WDR73: variants seen among roughly 807,000 people sequenced by gnomAD.
WDR73 encodes the protein integrator complex assembly factor WDR73.
A neutral mutation model predicts 38.2 loss-of-function variants in WDR73; 30 were observed. That is an observed-to-expected ratio of 0.79 (90% CI 0.59 to 1.06). The LOEUF (loss-of-function observed/expected upper bound fraction) is 1.06, where lower values mean the gene tolerates loss of function less well. Ranked by LOEUF, WDR73 falls within the 50% of genes least tolerant of loss-of-function variation. WDR73 has a pLI of 0.00. For synonymous variants in WDR73, 197 were observed against 176.0 expected (o/e 1.12, Z -0.94); for missense variants, 487 against 467.0 (o/e 1.04, Z -0.40).
chr15:84,645,968 C>T (rs770763193), intron 6 of WDR73, 132 bp from the exon 7 acceptor site: 1 of 1,548,570 alleles, frequency 6.5e-7, no homozygotes, highest in South Asian at 1.2e-5. Context: ...TCCCACTCAT[C>T]TCACCATTGT....
At chr15:84,643,782 TTTC>T in intron 7 of WDR73, 59 bp from the exon 8 acceptor site, 1 of 1,477,294 alleles carries the variant, frequency 6.8e-7, no homozygotes, top group South Asian at 1.4e-5. Flanking sequence ...TTAAAATAAT[TTTC>T]TTTCTATTTT....
In WDR73 at chr15:84,643,388, G is replaced by A. The variant is rs1430425617; in HGVS notation, c.*82C>T. 4.7e-6 allele frequency: 7 copies of A among 1,486,566 alleles called. No homozygotes were observed. The highest frequency in any genetic ancestry group is 1.3e-5 in the South Asian group (1 of 74,674). 92.1% of individuals were successfully genotyped at this position (1,486,566 alleles called of 1,614,324 possible). On this transcript the variant is annotated 3_prime_UTR_variant, in exon 8 of 8. Coordinates refer to ENST00000434634, the MANE Select transcript of WDR73 (RefSeq NM_032856.5). ...ACACAGCTGGTAACAGGGACTGGTAGTCACTTGAGTCCTACATGAGCACCC... is the reference window on the plus strand; with the variant it reads ...ACACAGCTGGTAACAGGGACTGGTAATCACTTGAGTCCTACATGAGCACCC...
In WDR73 at chr15:84,646,347, A is replaced by C. The variant is rs201827208; in HGVS notation, c.354T>G (p.Asp118Glu). Reference protein sequence around the residue: ...LQVWQVAEDSDVIKAVSTIAV... With the variant: ...LQVWQVAEDSEVIKAVSTIAV... ...CAATGGTGCTGACAGCTTTAATGAC[A>C]TCTAGGGGAAAACGAAGAGGCCAAA... The change falls in exon 6 of 8, where the codon GAT becomes GAG. Residue 118 changes from aspartate (D) to glutamate (E), a missense_variant and splice_region_variant. Coordinates refer to ENST00000434634, the MANE Select transcript of WDR73 (RefSeq NM_032856.5). 2.6e-4 allele frequency: 412 copies of C among 1,602,552 alleles called. No individual in the cohort carries two copies. The highest frequency in any genetic ancestry group is 1.3e-3 in the Middle Eastern group (8 of 6,036).
rs1273045394 is a variant in WDR73, at chr15:84,639,842, G to GT, written c.*3627dup. 6.6e-6 allele frequency: 1 copy of GT among 152,264 alleles called. No individual in the cohort carries two copies. Among genetic ancestry groups the GT allele is most frequent in the Non-Finnish European group, 1.5e-5 (1 of 68,090 alleles). The allele number at this position is 152,264 out of a possible 1,614,324, so 9.4% of individuals were successfully genotyped here. On this transcript the variant is annotated 3_prime_UTR_variant, in exon 8 of 8. Coordinates refer to ENST00000434634, the MANE Select transcript of WDR73 (RefSeq NM_032856.5). ...TGTACCGGATTATGGCTGAGCAGCTGTGAGAACATGGCTTCCTGTGGACCC... is the reference window on the plus strand; with the variant it reads ...TGTACCGGATTATGGCTGAGCAGCTGTTGAGAACATGGCTTCCTGTGGACCC...
chr15:84,647,400 C>T (rs756790349), intron 5 of WDR73: 43 of 163,198 alleles, frequency 2.6e-4, no homozygotes, highest in Non-Finnish European at 1.5e-4. Flanking sequence ...GAGCAGGTTA[C>T]AGGAAGCTCC....
At chr15:84,650,602 G>A (rs561472788) in intron 3 of WDR73, among the ~76,000 whole-genome samples, 76 of 151,992 alleles carry the variant, frequency 5.0e-4, no homozygotes, top group African/African-American at 1.7e-3. Context: ...CTTGTGATCC[G>A]CCCACCTCAG....
In WDR73 at chr15:84,645,787, G is replaced by A. The variant is rs373819446; in HGVS notation, c.567C>T (p.Asp189=). 20 of 1,613,540 alleles carry A rather than the reference G, an allele frequency of 1.2e-5. No individual in the cohort carries two copies. The African/African-American group carries it at 1.9e-4, about 15-fold the overall frequency. ...CTGAAGCACAGCAGAAGGCAAAGGT[G>A]TCTGCATCTAGGACCTGCAGGCTAC... The part of the protein sequence containing the change: ...ELSSLQVLDA[D]TFAFCCASGR... Residue 189 remains aspartate, a synonymous_variant, in exon 7 of 8, where the codon GAC becomes GAT. Coordinates refer to ENST00000434634, the MANE Select transcript of WDR73 (RefSeq NM_032856.5).
chr15:84,646,674 T>C, intron 5 of WDR73: 1 of 242,476 alleles, frequency 4.1e-6, no homozygotes, highest in Non-Finnish European at 8.2e-6. Context: ...ATGAACATGC[T>C]GCTGATGTCA....
rs1366038442 is a variant in WDR73, at chr15:84,640,676, ACAGAG to A, written c.*2789_*2793del. On this transcript the variant is annotated 3_prime_UTR_variant, in exon 8 of 8. Transcript: ENST00000434634. ...ATGCCACTGCATTCCAGCCTGGGCG[ACAGAG>A]TGAGACCCAGACTCAGCTGAAAAAT... 6.6e-6 allele frequency: 1 copy of A among 152,242 alleles called. No individual in the cohort carries two copies. The highest frequency in any genetic ancestry group is 1.5e-5 in the Non-Finnish European group (1 of 68,062). The allele number at this position is 152,242 out of a possible 1,614,324, so 9.4% of individuals were successfully genotyped here.
At chr15:84,653,005 A>G (rs1896671797) in intron 2 of WDR73, 1 of 441,362 alleles carries the variant, frequency 2.3e-6, no homozygotes, top group Non-Finnish European at 4.1e-6. Context: ...TGCAGCCTCA[A>G]CCTGCCAGGC....
At chr15:84,646,732 A>G (rs1278918343) in intron 5 of WDR73, 2 of 185,934 alleles carry the variant, frequency 1.1e-5, no homozygotes, top group East Asian at 2.6e-4. Flanking sequence ...ATGAACTGAT[A>G]TTATTTCTTC....
At position 84,643,506 on chromosome 15, in the gene WDR73, A is replaced by G. The variant is rs769242430; in HGVS notation, c.1101T>C (p.His367=). The G allele has an allele frequency of 1.9e-6, 3 of 1,573,984 alleles. No homozygotes were observed. The highest frequency in any genetic ancestry group is 1.9e-5 in the Admixed American group (1 of 53,238). Residue 367 remains histidine, a synonymous_variant, in exon 8 of 8, where the codon CAT becomes CAC. Transcript: ENST00000434634. ...CACAAAGGTCCACCCAGTCCCACACATGCAGAGAGGCATCATTTGTTGCTG... is the reference window on the plus strand; with the variant it reads ...CACAAAGGTCCACCCAGTCCCACACGTGCAGAGAGGCATCATTTGTTGCTG... ...LLSATNDASL[H]VWDWVDLCAP...
chr15:84,642,653 C>T lies in WDR73; in HGVS notation c.*817G>A, dbSNP rs1377325103. On this transcript the variant is annotated 3_prime_UTR_variant, in exon 8 of 8. Transcript: ENST00000434634. Reference sequence around the variant, plus strand: ...AGCTAACTTGTATTTTTAGTAGAGACAAGGTTTCGCCATGTTGCTCAGGCT... The same window carrying T: ...AGCTAACTTGTATTTTTAGTAGAGATAAGGTTTCGCCATGTTGCTCAGGCT... The T allele has an allele frequency of 1.3e-5, 2 of 152,094 alleles. No individual in the cohort carries two copies. The highest frequency in any genetic ancestry group is 4.8e-5 in the African/African-American group (2 of 41,388). The allele number at this position is 152,094 out of a possible 1,614,324, so 9.4% of individuals were successfully genotyped here. A position where few individuals can be genotyped will look rare whatever the true frequency, so the allele number is the denominator to read the frequency against.
intron 3 of WDR73, 127 bp from the exon 4 acceptor site, chr15:84,648,752 G>A (rs904727225): frequency 5.1e-5 from 36 of 711,980 alleles, no homozygotes; most frequent in Non-Finnish European, 7.6e-5. Flanking sequence ...GTGAAAGGGC[G>A]TTGGTGTCCT....
chr15:84,649,107 T>G (rs1280870646), intron 3 of WDR73, among the ~76,000 whole-genome samples: 1 of 152,198 alleles, frequency 6.6e-6, no homozygotes, highest in African/African-American at 2.4e-5. Flanking sequence ...ACTATAATTA[T>G]CCCTATTCTA....
intron 4 of WDR73, 32 bp from the exon 5 acceptor site, chr15:84,647,986 A>G: frequency 3.7e-6 from 6 of 1,606,034 alleles, no homozygotes; most frequent in Non-Finnish European, 5.1e-6. Context: ...AGTCCAGACC[A>G]TGGGGAGCTT....
In WDR73 at chr15:84,639,755, C is replaced by G. The variant is rs1369843755; in HGVS notation, c.*3715G>C. On this transcript the variant is annotated 3_prime_UTR_variant, in exon 8 of 8. Coordinates refer to ENST00000434634, the MANE Select transcript of WDR73 (RefSeq NM_032856.5). ...GGGATACAAAGAAACCAAGATTTTT[C>G]TGGGAATTCTCAGAGGCCTGGATCC... is the stretch of plus-strand genomic sequence containing the variant. 6.6e-6 allele frequency: 1 copy of G among 152,192 alleles called. No individual in the cohort carries two copies. The highest frequency in any genetic ancestry group is 1.9e-4 in the East Asian group (1 of 5,188). 9.4% of individuals were successfully genotyped at this position (152,192 alleles called of 1,614,324 possible).
chr15:84,648,962 A>C (rs980602953), intron 3 of WDR73, among the ~76,000 whole-genome samples: 7 of 152,188 alleles, frequency 4.6e-5, no homozygotes, highest in African/African-American at 1.4e-4. Context: ...TTCTCCCTCC[A>C]TTCTCCCGCT....
At chr15:84,652,638 G>A (rs755159976) in intron 3 of WDR73, 76 bp downstream of exon 3, 3 of 876,274 alleles carry the variant, frequency 3.4e-6, no homozygotes, top group Non-Finnish European at 5.2e-6. Context: ...ACAATACCTG[G>A]TAGATAACAG....
Sources: allele counts gnomAD v4.1 joint callset (sites outside exome capture counted in the v4.1 genomes callset), GRCh38; gene constraint gnomAD v4.1.1; transcripts MANE v1.5; gene names NCBI Gene and HGNC (gene_info 2026-07-23, HGNC 2026-07-21).